SPIDR: variants seen among roughly 807,000 people sequenced by gnomAD.
The protein encoded by SPIDR is DNA repair-scaffolding protein.
In SPIDR, 93 loss-of-function variants were observed where a neutral mutation model predicts 104.6. That is an observed-to-expected ratio of 0.89 (90% CI 0.75 to 1.06). The LOEUF is 1.06. SPIDR is among the 50% of genes least tolerant of loss of function. The pLI is 0.00. For missense variants in SPIDR, 1,154 were observed against 1,111.2 expected (o/e 1.04, Z -0.55); for synonymous variants, 431 against 416.9 (o/e 1.03, Z -0.41).
chr8:47,514,604 A>G (rs530162848), intron 8 of SPIDR, among the ~76,000 whole-genome samples: 1 of 152,270 alleles, frequency 6.6e-6, no homozygotes, highest in Non-Finnish European at 1.5e-5. Context: ...GGTTTTTTGG[A>G]TGTGATTCTG....
intron 7 of SPIDR, among the ~76,000 whole-genome samples, chr8:47,434,260 A>G (rs1554690844): frequency 2.0e-5 from 3 of 152,102 alleles, no homozygotes; most frequent in East Asian, 1.9e-4. Flanking sequence ...CCTGATGTCC[A>G]TTCCTGACCC....
chr8:47,411,632 T>G (rs1423056258), intron 7 of SPIDR, among the ~76,000 whole-genome samples: 2 of 152,218 alleles, frequency 1.3e-5, no homozygotes, highest in African/African-American at 2.4e-5. Context: ...GTAGTTTCTT[T>G]TGCTGTGCAG....
intron 11 of SPIDR, among the ~76,000 whole-genome samples, chr8:47,676,030 G>A (rs563675088): frequency 6.6e-6 from 1 of 152,230 alleles, no homozygotes; most frequent in Non-Finnish European, 1.5e-5. Context: ...ACTGCAGGAC[G>A]TAGCATCTTA....
chr8:47,699,004 GTTGT>G (rs1474510663), intron 11 of SPIDR, among the ~76,000 whole-genome samples: 2 of 152,142 alleles, frequency 1.3e-5, no homozygotes, highest in Non-Finnish European at 2.9e-5. Flanking sequence ...TCTGGAAAGG[GTTGT>G]TTATTTTTCT....
At chr8:47,356,050 G>C (rs548298196) in intron 5 of SPIDR, among the ~76,000 whole-genome samples, 1 of 152,164 alleles carries the variant, frequency 6.6e-6, no homozygotes, top group Admixed American at 6.5e-5. Context: ...TCATGAATGA[G>C]TGAGTGAATG....
chr8:47,414,704 AGTTT>A (rs1373517130), intron 7 of SPIDR, among the ~76,000 whole-genome samples: 1 of 152,148 alleles, frequency 6.6e-6, no homozygotes, highest in Non-Finnish European at 1.5e-5. Context: ...AATGTGCCAC[AGTTT>A]GTTTAACTGT....
rs570693745 is a variant in SPIDR at position 47,631,949 on chromosome 8, A to C, written c.1544+32753A>C. On this transcript the variant is annotated intron_variant, in intron 10 of 19. Transcript: ENST00000297423. ...TTTAAATTGGCCCTGAGAGGCTTGA[A>C]GACATAGAACTGAATGTACTGCCAG... Among the ~76,000 whole-genome samples the C allele has an allele frequency of 2.7e-3, 418 of 152,290 alleles. 1 individual carries two copies. Among genetic ancestry groups the C allele is most frequent in the African/African-American group, 9.8e-3 (408 of 41,560 alleles).
chr8:47,713,756 C>T, intron 16 of SPIDR, 115 bp downstream of exon 16: 1 of 1,351,874 alleles, frequency 7.4e-7, no homozygotes, highest in Non-Finnish European at 1.0e-6. Context: ...GTTCCAGACA[C>T]TGGATACATA....
At chr8:47,342,719 G>A (rs782574713) in intron 5 of SPIDR, among the ~76,000 whole-genome samples, 31 of 151,904 alleles carry the variant, frequency 2.0e-4, no homozygotes, top group Middle Eastern at 3.4e-3. Flanking sequence ...CTTTCTTATC[G>A]ACGCTGGTGT....
At chr8:47,490,123 C>T (rs942988354) in intron 8 of SPIDR, among the ~76,000 whole-genome samples, 3 of 152,114 alleles carry the variant, frequency 2.0e-5, no homozygotes, top group African/African-American at 7.2e-5. Flanking sequence ...GGCTAATATC[C>T]AGAATCTACA....
At chr8:47,484,615 T>C (rs1456876597) in intron 8 of SPIDR, among the ~76,000 whole-genome samples, 1 of 152,210 alleles carries the variant, frequency 6.6e-6, no homozygotes, top group Non-Finnish European at 1.5e-5. Flanking sequence ...GGAGATGGTC[T>C]CGTAGTTCTG....
chr8:47,656,622 C>G (rs2072869651), intron 10 of SPIDR, among the ~76,000 whole-genome samples: 1 of 152,170 alleles, frequency 6.6e-6, no homozygotes, highest in Non-Finnish European at 1.5e-5. Context: ...AAAAGTTAAA[C>G]ATGGAATTAC....
At chr8:47,681,389 A>G (rs1285256429) in intron 11 of SPIDR, among the ~76,000 whole-genome samples, 3 of 152,064 alleles carry the variant, frequency 2.0e-5, no homozygotes, top group African/African-American at 7.2e-5. Context: ...TTTTTTTAAC[A>G]TAGAGCATTT....
intron 6 of SPIDR, among the ~76,000 whole-genome samples, chr8:47,403,615 G>A (rs1205104039): frequency 2.0e-5 from 3 of 152,050 alleles, no homozygotes; most frequent in African/African-American, 7.2e-5. Flanking sequence ...GCTTCAAAAA[G>A]AATAAAATAC....
intron 8 of SPIDR, among the ~76,000 whole-genome samples, chr8:47,453,518 G>T (rs1488384515): frequency 6.6e-6 from 1 of 152,106 alleles, no homozygotes; most frequent in Non-Finnish European, 1.5e-5. Context: ...CCAAAACAGA[G>T]ATACAGACCA....
At chr8:47,265,222 C>T (rs2033678968) in intron 1 of SPIDR, among the ~76,000 whole-genome samples, 1 of 127,176 alleles carries the variant, frequency 7.9e-6, no homozygotes, top group Non-Finnish European at 1.6e-5. Context: ...GACAGTCTTA[C>T]TCTGTCGCCC....
At chr8:47,528,016 C>T (rs1017347738) in intron 8 of SPIDR, 13 of 152,192 alleles carry the variant, frequency 8.5e-5, no homozygotes, top group African/African-American at 3.1e-4. Context: ...GTGGCTTGCT[C>T]ATCCAGCTCT....
intron 5 of SPIDR, among the ~76,000 whole-genome samples, chr8:47,346,217 A>T (rs1554617892): frequency 6.6e-6 from 1 of 152,152 alleles, no homozygotes; most frequent in Non-Finnish European, 1.5e-5. Context: ...ATCTATTGAG[A>T]TAATCATGTG....
chr8:47,379,961 C>T (rs2059130680), intron 5 of SPIDR, among the ~76,000 whole-genome samples: 1 of 152,200 alleles, frequency 6.6e-6, no homozygotes, highest in South Asian at 2.1e-4. Context: ...GCTACCTTCT[C>T]AGGACTTCTC....
Sources: gnomAD v4.1 joint callset for allele counts (sites outside exome capture counted in the v4.1 genomes callset) on GRCh38, gnomAD v4.1.1 for gene constraint, MANE v1.5 for transcripts, NCBI Gene and HGNC (gene_info 2026-07-23, HGNC 2026-07-21) for gene names.